MTMR6: variants seen among roughly 807,000 people sequenced by gnomAD.
The protein encoded by MTMR6 is phosphatidylinositol-3,5-bisphosphate 3-phosphatase MTMR6.
A neutral mutation model predicts 80.1 loss-of-function variants in MTMR6; 47 were observed. That is an observed-to-expected ratio of 0.59 (90% confidence interval 0.46 to 0.75). The LOEUF is 0.75. Among genes scored for constraint, MTMR6 ranks in the 30% least tolerant of loss-of-function variants. MTMR6 has a pLI of 0.00. For synonymous variants in MTMR6, 254 were observed against 253.0 expected (o/e 1.00, Z -0.04); for missense variants, 629 against 730.9 (o/e 0.86, Z 1.61).
chr13:25,256,724 T>C (rs1046750580), intron 9 of MTMR6, among the ~76,000 whole-genome samples: 3 of 152,228 alleles, frequency 2.0e-5, no homozygotes, highest in African/African-American at 7.2e-5. Context: ...ATGCCTAATA[T>C]GTTATTACAC....
chr13:25,278,613 T>C (rs1957776385), intron 1 of MTMR6, among the ~76,000 whole-genome samples: 1 of 145,876 alleles, frequency 6.9e-6, no homozygotes, highest in African/African-American at 2.5e-5. Context: ...CTCGGGAGGC[T>C]GAGGCAGGAG....
rs1018241220 is a variant in MTMR6, at chr13:25,252,066, G to A, written c.1347-82C>T. ...TAATATTCATTTTTATAAATCAGGCGATGGCTTCCGAAGCAGATTTAAATT... is the reference window on the plus strand; with the variant it reads ...TAATATTCATTTTTATAAATCAGGCAATGGCTTCCGAAGCAGATTTAAATT... On this transcript the variant is annotated intron_variant, in intron 11 of 13. Coordinates refer to ENST00000381801, the MANE Select transcript of MTMR6 (RefSeq NM_004685.5). 2.6e-5 allele frequency: 37 copies of A among 1,441,448 alleles called. 1 individual carries two copies. The Admixed American group carries it at 3.1e-4, about 12-fold the overall frequency. The allele number at this position is 1,441,448 out of a possible 1,614,324, so 89.3% of individuals were successfully genotyped here.
chr13:25,274,988 A>ACACACACACC (rs1957685618), intron 1 of MTMR6, among the ~76,000 whole-genome samples: 1 of 147,978 alleles, frequency 6.8e-6, no homozygotes, highest in Non-Finnish European at 1.5e-5. Context: ...ACACACACAC[A>ACACACACACC]CACACACACA....
intron 5 of MTMR6, among the ~76,000 whole-genome samples, chr13:25,264,897 A>C (rs1593149345): frequency 1.3e-5 from 2 of 152,086 alleles, no homozygotes; most frequent in East Asian, 3.8e-4. Context: ...GCTGTGAGAC[A>C]AGGAAGTAAT....
chr13:25,283,339 C>T (rs1440415673), intron 1 of MTMR6, among the ~76,000 whole-genome samples: 1 of 152,178 alleles, frequency 6.6e-6, no homozygotes, highest in Non-Finnish European at 1.5e-5. Context: ...TCAGTTTCCT[C>T]ACCTGTAAAA....
chr13:25,274,663 T>G (rs1353421829), intron 1 of MTMR6, among the ~76,000 whole-genome samples: 6 of 152,254 alleles, frequency 3.9e-5, no homozygotes, highest in Middle Eastern at 3.4e-3. Flanking sequence ...CAATGATTGT[T>G]TTTTGTCCAC....
intron 7 of MTMR6, 66 bp from the exon 8 acceptor site, chr13:25,257,911 ATC>A: frequency 9.0e-7 from 1 of 1,114,280 alleles, no homozygotes; most frequent in Non-Finnish European, 1.3e-6. Context: ...TTTTTTCAAG[ATC>A]TCTCTAGATA....
rs760724524 is a variant in MTMR6, at chr13:25,253,933, C to T, written c.1177G>A (p.Val393Ile). Residue 393 changes from valine to isoleucine, a missense_variant, in exon 11 of 14, where the codon GTC (valine) becomes ATC (isoleucine). Coordinates refer to ENST00000381801, the MANE Select transcript of MTMR6 (RefSeq NM_004685.5). The part of the protein sequence containing the change: ...CGQLDGDPKE[V>I]SPVFTQFLEC... ...AAGAACTGAGTAAACACTGGTGAGACTTCCTTTGGGTCACCATCCAACTGG... is the reference window on the plus strand; with the variant it reads ...AAGAACTGAGTAAACACTGGTGAGATTTCCTTTGGGTCACCATCCAACTGG... 6.2e-7 allele frequency: 1 copy of T among 1,614,032 alleles called. No individual in the cohort carries two copies. Among genetic ancestry groups the T allele is most frequent in the Non-Finnish European group, 8.5e-7 (1 of 1,180,032 alleles).
Position 25,253,993 on chromosome 13 carries a change from A to T in MTMR6, c.1146-29T>A, listed in dbSNP as rs781351834. The stretch of plus-strand genomic sequence containing the variant: ...ACCCCACAGAAAGTATAAGCTTTTA[A>T]AAACACCTCTGAAAGGTCCATTGTT... On this transcript the variant is annotated intron_variant, in intron 10 of 13. Transcript: ENST00000381801. 10 of 1,604,890 alleles carry T rather than the reference A, an allele frequency of 6.2e-6. No individual in the cohort carries two copies. In the South Asian group the frequency reaches 1.1e-4, roughly 18 times the overall value.
intron 5 of MTMR6, among the ~76,000 whole-genome samples, chr13:25,262,111 T>C (rs976440168): frequency 3.9e-5 from 6 of 152,322 alleles, no homozygotes; most frequent in African/African-American, 1.4e-4. Context: ...CTGCGCTCCA[T>C]TTAGATTACA....
At chr13:25,254,717 T>C (rs1186470810) in intron 9 of MTMR6, among the ~76,000 whole-genome samples, 1 of 152,202 alleles carries the variant, frequency 6.6e-6, no homozygotes, top group Non-Finnish European at 1.5e-5. Context: ...AAAGCAGTAT[T>C]ACATTTAAGT....
chr13:25,252,065 C>T (rs1255011570), intron 11 of MTMR6, 81 bp from the exon 12 acceptor site: 19 of 1,442,538 alleles, frequency 1.3e-5, no homozygotes, highest in African/African-American at 1.0e-4. Context: ...ATAAATCAGG[C>T]GATGGCTTCC....
intron 8 of MTMR6, 121 bp from the exon 9 acceptor site, chr13:25,257,442 A>C: frequency 8.4e-7 from 1 of 1,193,360 alleles, no homozygotes; most frequent in Non-Finnish European, 1.1e-6. Context: ...TGATAATGTC[A>C]CAGCATAATT....
chr13:25,279,175 A>C (rs1323819412), intron 1 of MTMR6, among the ~76,000 whole-genome samples: 1 of 152,130 alleles, frequency 6.6e-6, no homozygotes, highest in Admixed American at 6.5e-5. Flanking sequence ...TTCATCTTGG[A>C]TTGTAATCCC....
intron 11 of MTMR6, 69 bp downstream of exon 11, chr13:25,253,695 A>G (rs924621502): frequency 1.1e-4 from 140 of 1,318,894 alleles, no homozygotes; most frequent in Non-Finnish European, 1.4e-4. Context: ...ATTAAGTTTC[A>G]AACATGATTT....
At chr13:25,265,699 T>C (rs978292738) in intron 5 of MTMR6, 120 bp downstream of exon 5, 3 of 1,157,270 alleles carry the variant, frequency 2.6e-6, no homozygotes, top group Middle Eastern at 3.0e-4. Context: ...GCCACTGCAC[T>C]CCAGCTTCGG....
Position 25,251,435 on chromosome 13 carries a change from C to A in MTMR6, c.1605+214G>T, listed in dbSNP as rs561434175. Among the ~76,000 whole-genome samples, 1 of 152,124 alleles carries A rather than the reference C, an allele frequency of 6.6e-6. No homozygotes were observed. Among genetic ancestry groups the A allele is most frequent in the Non-Finnish European group, 1.5e-5 (1 of 68,028 alleles). On this transcript the variant is annotated intron_variant, in intron 13 of 13. Transcript: ENST00000381801. The surrounding 1 kb of genome is among the most constrained non-coding windows in gnomAD (Gnocchi z 4.1). ...CAGATAGTTATTATGTTTATCTATA[C>A]GTTATGCTATATACTTCCGGTATTT...
chr13:25,255,741 C>T (rs1295463290), intron 9 of MTMR6, among the ~76,000 whole-genome samples: 2 of 152,150 alleles, frequency 1.3e-5, no homozygotes, highest in East Asian at 3.9e-4. Flanking sequence ...CCAGGCTGGT[C>T]TCGAATTCCT....
In MTMR6 at chr13:25,285,397, C is replaced by A. The variant is rs566996841; in HGVS notation, c.24+1827G>T. On this transcript the variant is annotated intron_variant, in intron 1 of 13. Transcript: ENST00000381801. Reference sequence around the variant, plus strand: ...ATTTTTTATTCTTTTCCGCCCCCCCCCCCCCAATTATGTCACCCAGGCTGG... The same window carrying A: ...ATTTTTTATTCTTTTCCGCCCCCCCACCCCCAATTATGTCACCCAGGCTGG... 9.5e-5 allele frequency among the ~76,000 whole-genome samples: 13 copies of A among 136,326 alleles called. 1 individual carries two copies. The highest frequency in any genetic ancestry group is 3.3e-4 in the African/African-American group (12 of 36,182). 89.4% of individuals were successfully genotyped at this position (136,326 alleles called of 152,430 possible). A position where few individuals can be genotyped will look rare whatever the true frequency, so the allele number is the denominator to read the frequency against.
Sources: allele counts gnomAD v4.1 joint callset (sites outside exome capture counted in the v4.1 genomes callset), GRCh38; gene constraint gnomAD v4.1.1; non-coding constraint Gnocchi (gnomAD v3.1); transcripts MANE v1.5; gene names NCBI Gene and HGNC (gene_info 2026-07-23, HGNC 2026-07-21).